STK3: variants seen among roughly 807,000 people sequenced by gnomAD.
The protein encoded by STK3 is serine/threonine kinase 3.
STK3 carries 41 observed loss-of-function variants against 58.0 expected under a neutral mutation model. The observed-to-expected ratio is 0.71, with a 90% confidence interval of 0.55 to 0.92. STK3 has a LOEUF of 0.92. Among genes scored for constraint, STK3 ranks in the 40% least tolerant of loss-of-function variants. The pLI is 0.00. For missense variants in STK3, 479 were observed against 602.7 expected (o/e 0.79, Z 2.15); for synonymous variants, 170 against 191.0 (o/e 0.89, Z 0.91).
At chr8:98,686,729 G>A (rs1457326085) in intron 6 of STK3, among the ~76,000 whole-genome samples, 1 of 152,012 alleles carries the variant, frequency 6.6e-6, no homozygotes, top group Non-Finnish European at 1.5e-5. Context: ...GTTATTTTAA[G>A]GAAGAACCAA....
At position 98,927,665 on chromosome 8, in the gene STK3, TA is replaced by T. The variant is rs1405215767; in HGVS notation, c.-79+14712del. Among the ~76,000 whole-genome samples the T allele has an allele frequency of 3.9e-5, 6 of 152,300 alleles. No homozygotes were observed. In the East Asian group the frequency reaches 9.6e-4, roughly 24 times the overall value. ...TGTCTAAGATCATACACCTAGGTGG[TA>T]GAGATAGACTGTGTAACTAGGCAGT... On this transcript the variant is annotated intron_variant, in intron 1 of 1. Transcript: ENST00000519420.
chr8:98,578,210 G>T (rs1367323647), intron 8 of STK3, among the ~76,000 whole-genome samples: 3 of 152,028 alleles, frequency 2.0e-5, no homozygotes, highest in Admixed American at 2.0e-4. Context: ...AGGAATCCAG[G>T]GTAGGAAATA....
chr8:98,694,610 T>C (rs1441169801), intron 6 of STK3, among the ~76,000 whole-genome samples: 2 of 152,214 alleles, frequency 1.3e-5, no homozygotes, highest in African/African-American at 4.8e-5. Flanking sequence ...GTTTGGTTTC[T>C]TGTTCTTGCG....
chr8:98,736,117 T>A (rs1001485004), intron 4 of STK3, among the ~76,000 whole-genome samples: 5 of 152,148 alleles, frequency 3.3e-5, no homozygotes, highest in Non-Finnish European at 4.4e-5. Context: ...AACATCATCA[T>A]CACAGTAAAA....
chr8:98,719,435 G>C (rs1213444674), intron 4 of STK3, among the ~76,000 whole-genome samples: 1 of 152,026 alleles, frequency 6.6e-6, no homozygotes, highest in African/African-American at 2.4e-5. Flanking sequence ...CTCTACTAAA[G>C]AATGTTCAGA....
intron 10 of STK3, among the ~76,000 whole-genome samples, chr8:98,464,736 A>G (rs1350421026): frequency 6.6e-6 from 1 of 152,102 alleles, no homozygotes; most frequent in Non-Finnish European, 1.5e-5. Flanking sequence ...ATGCATTTAC[A>G]AAAATAAGAT....
chr8:98,572,931 G>GA (rs1056532625), intron 8 of STK3, among the ~76,000 whole-genome samples: 42 of 150,516 alleles, frequency 2.8e-4, no homozygotes, highest in African/African-American at 7.3e-4. Flanking sequence ...GTTTATTCAG[G>GA]AAAAAAAAAT....
chr8:98,759,547 A>ACT (rs1411431622), intron 3 of STK3, among the ~76,000 whole-genome samples: 1 of 152,202 alleles, frequency 6.6e-6, no homozygotes, highest in Non-Finnish European at 1.5e-5. Flanking sequence ...GATTACCAAA[A>ACT]CATGACATAG....
intron 6 of STK3, among the ~76,000 whole-genome samples, chr8:98,643,904 G>A (rs1309735377): frequency 6.6e-6 from 1 of 152,032 alleles, no homozygotes. Flanking sequence ...AGCTACTCAG[G>A]TCAATGTGGG....
At chr8:98,442,912 TC>T (rs1738936373) in intron 1 of STK3, among the ~76,000 whole-genome samples, 1 of 151,706 alleles carries the variant, frequency 6.6e-6, no homozygotes, top group Non-Finnish European at 1.5e-5. Context: ...TATTAAGATA[TC>T]CCTCAATATT....
chr8:98,502,631 C>T (rs1252105129), intron 10 of STK3, among the ~76,000 whole-genome samples: 2 of 152,172 alleles, frequency 1.3e-5, no homozygotes, highest in African/African-American at 2.4e-5. Context: ...TGAACTTTGT[C>T]AAACGCCTTT....
At chr8:98,604,533 A>G (rs1816619161) in intron 6 of STK3, among the ~76,000 whole-genome samples, 1 of 152,128 alleles carries the variant, frequency 6.6e-6, no homozygotes, top group South Asian at 2.1e-4. Flanking sequence ...CTCTAACCCC[A>G]TATTTCCCTC....
At chr8:98,659,449 A>T (rs778095485) in intron 6 of STK3, among the ~76,000 whole-genome samples, 1 of 151,912 alleles carries the variant, frequency 6.6e-6, no homozygotes, top group African/African-American at 2.4e-5. Context: ...TTCTTATCAT[A>T]TTACTAAAAT....
chr8:98,441,772 G>T (rs1818705198), intron 1 of STK3, among the ~76,000 whole-genome samples: 1 of 152,060 alleles, frequency 6.6e-6, no homozygotes, highest in Non-Finnish European at 1.5e-5. Context: ...CAAATTTGCT[G>T]GCCATCCCTC....
chr8:98,424,574 A>G (rs1818207544), intron 3 of STK3, among the ~76,000 whole-genome samples: 2 of 152,190 alleles, frequency 1.3e-5, no homozygotes, highest in Admixed American at 6.5e-5. Context: ...TGGGTGTGGA[A>G]GAAACAAAGA....
At chr8:98,922,153 AAACTC>A (rs1839590512) in intron 1 of STK3, among the ~76,000 whole-genome samples, 1 of 152,086 alleles carries the variant, frequency 6.6e-6, no homozygotes. Context: ...AAAAAGAAAA[AAACTC>A]AAATAAAATC....
Position 98,455,692 on chromosome 8 carries a change from G to C in STK3, c.*150C>G. On this transcript the variant is annotated 3_prime_UTR_variant, in exon 11 of 11. Transcript: ENST00000419617. ...GATACAACTGTCAATTCTGCCTTTTGGGAATTTACCTGGGCATGTACCATT... is the reference window on the plus strand; with the variant it reads ...GATACAACTGTCAATTCTGCCTTTTCGGAATTTACCTGGGCATGTACCATT... The C allele has an allele frequency of 4.6e-6, 4 of 862,452 alleles. No homozygotes were observed. 53.4% of individuals were successfully genotyped at this position (862,452 alleles called of 1,614,324 possible).
intron 1 of STK3, among the ~76,000 whole-genome samples, chr8:98,910,648 T>C (rs2131979785): frequency 6.6e-6 from 1 of 152,370 alleles, no homozygotes; most frequent in South Asian, 2.1e-4. Flanking sequence ...ATAAAGCCCA[T>C]GTAGCCCGCA....
chr8:98,724,820 G>C (rs930586674), intron 4 of STK3, among the ~76,000 whole-genome samples: 1 of 152,080 alleles, frequency 6.6e-6, no homozygotes, highest in African/African-American at 2.4e-5. Context: ...GAAGCCAAAA[G>C]GTGCCAAAAG....
Sources: gnomAD v4.1 joint callset for allele counts (sites outside exome capture counted in the v4.1 genomes callset) on GRCh38, gnomAD v4.1.1 for gene constraint, MANE v1.5 for transcripts, NCBI Gene and HGNC (gene_info 2026-07-23, HGNC 2026-07-21) for gene names.